The following SGCG variants were observed in gnomAD, a reference collection of about 807,000 sequenced individuals.
SGCG encodes sarcoglycan gamma.
Under a neutral mutation model 29.3 loss-of-function variants are expected in SGCG, and 26 were observed. The observed-to-expected ratio is 0.89, with a 90% confidence interval of 0.65 to 1.23. The LOEUF is 1.23. SGCG is among the 50% of genes most tolerant of loss of function. The probability of loss-of-function intolerance (pLI) is 0.00; values close to 1 mark genes in which losing one functional copy is unlikely to be tolerated. For synonymous variants in SGCG, 145 were observed against 129.7 expected, an observed-to-expected ratio of 1.12 and a Z score of -0.80; for missense variants, 353 against 356.0, an observed-to-expected ratio of 0.99 and a Z score of 0.07.
chr13:23,249,888 A>G (rs915242051), intron 3 of SGCG, among the ~76,000 whole-genome samples: 2 of 151,734 alleles, frequency 1.3e-5, no homozygotes, highest in Non-Finnish European at 2.9e-5. Flanking sequence ...TGTTCAAAGA[A>G]TTAAAGTAGC....
chr13:23,185,016 G>A (rs889640178), intron 1 of SGCG, among the ~76,000 whole-genome samples: 1 of 152,214 alleles, frequency 6.6e-6, no homozygotes, highest in Non-Finnish European at 1.5e-5. Context: ...ACACCAGTAT[G>A]AGATTGTAGG....
intron 1 of SGCG, among the ~76,000 whole-genome samples, chr13:23,186,953 T>C (rs539649299): frequency 6.6e-6 from 1 of 152,248 alleles, no homozygotes; most frequent in Admixed American, 6.5e-5. Context: ...CTCAAGATGA[T>C]GTAACCCCCT....
chr13:23,247,512 T>C (rs1879759964), intron 3 of SGCG, among the ~76,000 whole-genome samples: 1 of 152,088 alleles, frequency 6.6e-6, no homozygotes, highest in South Asian at 2.1e-4. Flanking sequence ...CCAATCTAAA[T>C]CCCTGTCCTC....
intron 2 of SGCG, among the ~76,000 whole-genome samples, chr13:23,227,321 A>T (rs929112201): frequency 7.9e-5 from 11 of 138,940 alleles, no homozygotes; most frequent in Non-Finnish European, 1.6e-4. Context: ...ATGGGAAAAA[A>T]AAAAAAAACA....
intron 2 of SGCG, among the ~76,000 whole-genome samples, chr13:23,226,229 C>T (rs549527693): frequency 1.3e-5 from 2 of 151,892 alleles, no homozygotes; most frequent in South Asian, 4.2e-4. Flanking sequence ...TTATAAGAGA[C>T]AGTTAAAAGA....
intron 4 of SGCG, chr13:23,268,610 A>G (rs79017728): frequency 0.028 from 4,314 of 152,544 alleles, 85 homozygotes; most frequent in Non-Finnish European, 0.033. Context: ...CCTGAGGAGG[A>G]GGGAGATGCC....
intron 2 of SGCG, among the ~76,000 whole-genome samples, chr13:23,233,389 A>G (rs139736380): frequency 5.9e-5 from 9 of 152,360 alleles, no homozygotes; most frequent in East Asian, 3.9e-4. Flanking sequence ...CAGAAACGCT[A>G]TAAGATTTGA....
chr13:23,246,691 C>G (rs1879723668), intron 3 of SGCG: 1 of 218,228 alleles, frequency 4.6e-6, no homozygotes, highest in African/African-American at 2.3e-5. Flanking sequence ...GCTTGGATTA[C>G]TCCAACATGT....
chr13:23,183,738 G>A (rs1440903016), intron 1 of SGCG, among the ~76,000 whole-genome samples: 1 of 151,916 alleles, frequency 6.6e-6, no homozygotes, highest in Non-Finnish European at 1.5e-5. Context: ...GCATGATCTC[G>A]GCTCACTGCA....
chr13:23,239,409 C>T (rs1043593796), intron 3 of SGCG, among the ~76,000 whole-genome samples: 8 of 152,058 alleles, frequency 5.3e-5, no homozygotes, highest in African/African-American at 1.9e-4. Context: ...AAAATAAAGA[C>T]TTTTTTGGAC....
chr13:23,232,587 C>T (rs1879152284), intron 2 of SGCG, among the ~76,000 whole-genome samples: 1 of 152,098 alleles, frequency 6.6e-6, no homozygotes, highest in Non-Finnish European at 1.5e-5. Context: ...TCAAGACCAT[C>T]CTGGCTAACA....
At chr13:23,312,089 T>C (rs542535617) in intron 6 of SGCG, among the ~76,000 whole-genome samples, 1 of 152,376 alleles carries the variant, frequency 6.6e-6, no homozygotes, top group South Asian at 2.1e-4. Flanking sequence ...CTCTAGCTTC[T>C]TCTTTGGCTC....
intron 2 of SGCG, among the ~76,000 whole-genome samples, chr13:23,208,817 CTTA>C (rs1878079465): frequency 6.6e-6 from 1 of 151,946 alleles, no homozygotes; most frequent in African/African-American, 2.4e-5. Context: ...ATGCTTTTTC[CTTA>C]TTATATTTTC....
chr13:23,312,650 G>A (rs11618383), intron 6 of SGCG, among the ~76,000 whole-genome samples: 29,666 of 152,118 alleles, frequency 0.2, 3,408 homozygotes, highest in Non-Finnish European at 0.25. Flanking sequence ...AATGGGTACA[G>A]TGCATGCCAT....
chr13:23,255,053 G>A (rs546290159), intron 4 of SGCG, among the ~76,000 whole-genome samples: 19 of 152,330 alleles, frequency 1.2e-4, no homozygotes, highest in African/African-American at 3.6e-4. Flanking sequence ...GAAATGTGGG[G>A]GTGAAAGCCC....
intron 1 of SGCG, among the ~76,000 whole-genome samples, chr13:23,189,684 A>G (rs535442485): frequency 6.6e-6 from 1 of 151,644 alleles, no homozygotes; most frequent in African/African-American, 2.4e-5. Flanking sequence ...TAACAGAGAA[A>G]ACTATCACCT....
the SGCG span, among the ~76,000 whole-genome samples, chr13:23,164,185 T>G: frequency 1.2e-3 from 186 of 152,324 alleles, no homozygotes; most frequent in African/African-American, 3.8e-3. Flanking sequence ...ATATGTATTA[T>G]TTGTTTATAA....
chr13:23,257,411 T>C (rs1013115986), intron 4 of SGCG, among the ~76,000 whole-genome samples: 3 of 151,982 alleles, frequency 2.0e-5, no homozygotes, highest in African/African-American at 4.8e-5. Flanking sequence ...CCCTACCCCA[T>C]TCCCCCACCC....
At chr13:23,298,025 A>C (rs530632898) in intron 6 of SGCG, among the ~76,000 whole-genome samples, 1 of 149,836 alleles carries the variant, frequency 6.7e-6, no homozygotes, top group Non-Finnish European at 1.5e-5. Flanking sequence ...GATTACAGGC[A>C]TGAGCCACCG....
Sources: gnomAD v4.1 joint callset for allele counts (sites outside exome capture counted in the v4.1 genomes callset) on GRCh38, gnomAD v4.1.1 for gene constraint, MANE v1.5 for transcripts, NCBI Gene and HGNC (gene_info 2026-07-23, HGNC 2026-07-21) for gene names.